MCF2L2: variants seen among roughly 807,000 people sequenced by gnomAD.
The protein encoded by MCF2L2 is MCF.2 cell line derived transforming sequence-like 2, also known as probable guanine nucleotide exchange factor MCF2L2.
A neutral mutation model predicts 150.2 loss-of-function variants in MCF2L2; 102 were observed. The observed-to-expected ratio is 0.68, with a 90% CI of 0.58 to 0.80. The LOEUF is 0.80. MCF2L2 is among the 30% of genes least tolerant of loss of function. The probability of loss-of-function intolerance (pLI) is 0.00; values close to 1 mark genes in which losing one functional copy is unlikely to be tolerated. For missense variants in MCF2L2, 1,256 were observed against 1,372.8 expected (o/e 0.91, Z 1.34); for synonymous variants, 465 against 491.3 (o/e 0.95, Z 0.71).
intron 1 of MCF2L2, chr3:183,400,522 C>A: frequency 2.2e-6 from 1 of 455,702 alleles, no homozygotes; most frequent in Non-Finnish European, 4.4e-6. Flanking sequence ...CCACCTCGCT[C>A]GCTCTCCATT....
chr3:183,299,055 C>T lies in MCF2L2; in HGVS notation c.1305+950G>A, dbSNP rs557609693. The T allele has an allele frequency of 2.6e-5, 4 of 152,432 alleles. No homozygotes were observed. In the South Asian group the frequency reaches 8.3e-4, roughly 32 times the overall value. 9.4% of individuals were successfully genotyped at this position (152,432 alleles called of 1,614,324 possible). A position where few individuals can be genotyped will look rare whatever the true frequency, so the allele number is the denominator to read the frequency against. The stretch of plus-strand genomic sequence containing the variant: ...GCCGTCAGCCACATGCTGCCTGGGA[C>T]CAGCTCACAGGGAAGACTCCAGAAA... On this transcript the variant is annotated intron_variant, in intron 11 of 29. Transcript: ENST00000328913.
rs1730480904 is a variant in MCF2L2, at chr3:183,336,360, T to C, written c.486+2440A>G. Among the ~76,000 whole-genome samples the C allele has an allele frequency of 4.6e-5, 7 of 152,270 alleles. No individual in the cohort carries two copies. In the South Asian group the frequency reaches 1.2e-3, roughly 27 times the overall value. On this transcript the variant is annotated intron_variant, in intron 5 of 29. Transcript: ENST00000328913. ...GTGCTATTCTTATTCTTGCAACTTT[T>C]CTGTTGAGTTTGAAATTAGTTTCAA...
chr3:183,255,464 C>T (rs1334475167), intron 15 of MCF2L2, among the ~76,000 whole-genome samples: 3 of 152,158 alleles, frequency 2.0e-5, no homozygotes, highest in Admixed American at 2.0e-4. Context: ...CTCACTCTTC[C>T]TTATCCTCCC....
chr3:183,359,007 T>G (rs1174153561), intron 3 of MCF2L2, among the ~76,000 whole-genome samples: 2 of 152,044 alleles, frequency 1.3e-5, no homozygotes, highest in East Asian at 1.9e-4. Context: ...CATTGGGTTT[T>G]TTTTTTTTTT....
In MCF2L2 at chr3:183,423,179, A is replaced by G. The variant is rs185466403; in HGVS notation, c.76+4723T>C. On this transcript the variant is annotated intron_variant, in intron 1 of 29. Transcript: ENST00000328913. ...TCCCCACTGGGCACATTCCCACCTG[A>G]TTAGCAGATACCCTACTCTAATTAG... Among the ~76,000 whole-genome samples, 112 of 152,314 alleles carry G rather than the reference A, an allele frequency of 7.4e-4. No individual in the cohort carries two copies. In the East Asian group the frequency reaches 0.017, roughly 23 times the overall value.
At chr3:183,423,920 C>T (rs946022154) in intron 1 of MCF2L2, among the ~76,000 whole-genome samples, 3 of 127,322 alleles carry the variant, frequency 2.4e-5, no homozygotes, top group Admixed American at 7.4e-5. Flanking sequence ...CTGCGCCCGG[C>T]GACATGGCCC....
chr3:183,336,224 TATATC>T (rs1730474353), intron 5 of MCF2L2, among the ~76,000 whole-genome samples: 1 of 152,142 alleles, frequency 6.6e-6, no homozygotes, highest in South Asian at 2.1e-4. Context: ...TGTGTATATA[TATATC>T]ATATAAGTAT....
At position 183,338,884 on chromosome 3, in the gene MCF2L2, G is replaced by A; in HGVS notation, c.402C>T (p.Ile134=). 1 of 1,606,970 alleles carries A rather than the reference G, an allele frequency of 6.2e-7. No homozygotes were observed. The highest frequency in any genetic ancestry group is 8.5e-7 in the Non-Finnish European group (1 of 1,174,886). The change falls in exon 5 of 30, where the codon ATC becomes ATT. Residue 134 remains isoleucine, a synonymous_variant. Transcript: ENST00000328913. ...AFPGNLQLIF[I]LRPSRFIQRT... is the part of the protein sequence containing the mutation. ...TCTGGATAAAGCGAGATGGACGAAGGATGAATATGAGCTGTAAGTTTCCTG... is the reference window on the plus strand; with the variant it reads ...TCTGGATAAAGCGAGATGGACGAAGAATGAATATGAGCTGTAAGTTTCCTG...
chr3:183,275,295 T>C (rs1727098578), intron 15 of MCF2L2, among the ~76,000 whole-genome samples: 1 of 152,228 alleles, frequency 6.6e-6, no homozygotes, highest in African/African-American at 2.4e-5. Flanking sequence ...GAAAGCCTTC[T>C]ATATACCAAG....
intron 16 of MCF2L2, among the ~76,000 whole-genome samples, chr3:183,230,049 T>C (rs1723491269): frequency 6.6e-6 from 1 of 152,192 alleles, no homozygotes. Flanking sequence ...GTTACACAGG[T>C]TTAATCTAAA....
intron 1 of MCF2L2, chr3:183,400,508 G>A (rs1049085354): frequency 2.2e-6 from 1 of 456,154 alleles, no homozygotes; most frequent in South Asian, 1.6e-5. Flanking sequence ...TCCAGGAAAC[G>A]GCGCCACCTC....
chr3:183,184,560 G>A (rs768615519), intron 27 of MCF2L2, among the ~76,000 whole-genome samples: 2 of 152,156 alleles, frequency 1.3e-5, no homozygotes, highest in Admixed American at 6.5e-5. Context: ...ACCCTTAGTC[G>A]ACAATCTTTC....
chr3:183,297,372 C>T (rs372718297), intron 11 of MCF2L2: 32 of 526,708 alleles, frequency 6.1e-5, no homozygotes, highest in African/African-American at 5.1e-4. Flanking sequence ...GATACCTGTC[C>T]ACTTCTCAGG....
intron 27 of MCF2L2, among the ~76,000 whole-genome samples, chr3:183,186,500 C>T (rs1374114193): frequency 6.6e-6 from 1 of 152,162 alleles, no homozygotes; most frequent in Non-Finnish European, 1.5e-5. Context: ...CCGAGGCAAG[C>T]GGATCACCTG....
chr3:183,276,918 G>C lies in MCF2L2; in HGVS notation c.1816C>G (p.Pro606Ala). 1 of 1,610,872 alleles carries C rather than the reference G, an allele frequency of 6.2e-7. No homozygotes were observed. Among genetic ancestry groups the C allele is most frequent in the Non-Finnish European group, 8.5e-7 (1 of 1,178,452 alleles). The change falls in exon 15 of 30, where the codon CCT (proline) becomes GCT (alanine). Residue 606 changes from proline (P) to alanine (A), a missense_variant. By Grantham distance (27) the Pro-to-Ala change is conservative. Coordinates refer to ENST00000328913, the MANE Select transcript of MCF2L2 (RefSeq NM_015078.4). ...AGCCTGGCCTGCTGCTCCAGCTCAG[G>C]GTTCCCCCTTTCATGATGGCTTTCA... is the stretch of plus-strand genomic sequence containing the variant. ...IFESHHERGNPELEQQARLGD... is the reference protein window; with the variant it reads ...IFESHHERGNAELEQQARLGD...
intron 3 of MCF2L2, among the ~76,000 whole-genome samples, chr3:183,358,908 C>T (rs985543194): frequency 6.6e-5 from 10 of 152,018 alleles, no homozygotes; most frequent in African/African-American, 2.2e-4. Flanking sequence ...GGTATGATTA[C>T]TACCATGCCT....
intron 22 of MCF2L2, among the ~76,000 whole-genome samples, chr3:183,208,677 C>T (rs946203280): frequency 1.3e-5 from 2 of 152,148 alleles, no homozygotes; most frequent in African/African-American, 2.4e-5. Context: ...TGAATAAAAA[C>T]ACCAAAAGGA....
intron 27 of MCF2L2, among the ~76,000 whole-genome samples, chr3:183,185,722 C>G (rs1447794965): frequency 6.6e-6 from 1 of 152,168 alleles, no homozygotes; most frequent in African/African-American, 2.4e-5. Flanking sequence ...TCCAGGGGTA[C>G]TAGGCTCGGT....
chr3:183,398,929 T>C (rs779743377), intron 1 of MCF2L2, among the ~76,000 whole-genome samples: 9 of 152,210 alleles, frequency 5.9e-5, no homozygotes, highest in South Asian at 4.1e-4. Flanking sequence ...AAGGCATATA[T>C]AATGCTGTGA....
Sources: allele counts gnomAD v4.1 joint callset (sites outside exome capture counted in the v4.1 genomes callset), GRCh38; gene constraint gnomAD v4.1.1; transcripts MANE v1.5; gene names NCBI Gene and HGNC (gene_info 2026-07-23, HGNC 2026-07-21).